Variants in SP140 observed in about 807,000 individuals in gnomAD.
The protein encoded by SP140 is nuclear body protein SP140.
In SP140, 81 loss-of-function variants were observed where a neutral mutation model predicts 125.0. The observed-to-expected ratio is 0.65, with a 90% CI of 0.54 to 0.78. The LOEUF (loss-of-function observed/expected upper bound fraction) is 0.78. SP140 is among the 30% of genes least tolerant of loss of function. The pLI, the probability that SP140 is intolerant of heterozygous loss-of-function variation, is 0.00. For synonymous variants in SP140, 312 were observed against 354.0 expected (o/e 0.88, Z 1.33); for missense variants, 858 against 1,037.0 (o/e 0.83, Z 2.37).
intron 17 of SP140, among the ~76,000 whole-genome samples, chr2:230,286,280 T>A (rs1311062481): frequency 6.6e-6 from 1 of 152,230 alleles, no homozygotes; most frequent in Admixed American, 6.5e-5. Context: ...CTTTCTGACC[T>A]AGTATTAAAC....
chr2:230,257,193 CT>C (rs2051361638), intron 12 of SP140, among the ~76,000 whole-genome samples: 1 of 151,742 alleles, frequency 6.6e-6, no homozygotes, highest in South Asian at 2.1e-4. Context: ...TGGAAAGAGA[CT>C]TTTATCTAAC....
At chr2:230,238,908 C>T (rs1408384844) in intron 3 of SP140, 9 of 1,549,674 alleles carry the variant, frequency 5.8e-6, no homozygotes, top group African/African-American at 4.1e-5. Flanking sequence ...TTGGTGGGGG[C>T]CTTTCCGAAC....
At chr2:230,244,909 A>T (rs2049207312) in intron 5 of SP140, 79 bp from the exon 6 acceptor site, 1 of 982,514 alleles carries the variant, frequency 1.0e-6, no homozygotes. Flanking sequence ...GGAGAAGCTC[A>T]CTTGAGTGCT....
the SP140 span, among the ~76,000 whole-genome samples, chr2:230,190,218 G>T: frequency 2.5e-3 from 376 of 152,252 alleles, no homozygotes; most frequent in African/African-American, 8.6e-3. Flanking sequence ...AGCATCTATT[G>T]TTTTCTGACT....
intron 17 of SP140, among the ~76,000 whole-genome samples, chr2:230,286,729 G>A (rs2056432814): frequency 6.6e-6 from 1 of 152,144 alleles, no homozygotes; most frequent in Non-Finnish European, 1.5e-5. Context: ...TACATATGTG[G>A]CCTGGTGCAT....
intron 3 of SP140, among the ~76,000 whole-genome samples, chr2:230,219,212 G>A (rs376152070): frequency 4.6e-5 from 7 of 152,298 alleles, no homozygotes; most frequent in South Asian, 2.1e-4. Context: ...GTGACAGAGC[G>A]AGACTCCGTC....
intron 1 of SP140, among the ~76,000 whole-genome samples, chr2:230,226,850 G>A (rs2046489660): frequency 6.7e-6 from 1 of 149,878 alleles, no homozygotes; most frequent in South Asian, 2.1e-4. Flanking sequence ...AACCAACCAT[G>A]AATGCAAAAT....
chr2:230,221,827 A>C, upstream of SP140: 2 of 1,120,052 alleles, frequency 1.8e-6, no homozygotes, highest in Non-Finnish European at 2.6e-6. Flanking sequence ...AAACAAACAA[A>C]AGTAAAGCAG....
Position 230,269,728 on chromosome 2 carries a change from AAGG to A in SP140, c.1328-106_1328-104del, listed in dbSNP as rs2053638478. 4.7e-5 allele frequency: 51 copies of A among 1,089,172 alleles called. No individual in the cohort carries two copies. The South Asian group carries it at 7.3e-4, about 15-fold the overall frequency. 67.5% of individuals were successfully genotyped at this position (1,089,172 alleles called of 1,614,324 possible). A position where few individuals can be genotyped will look rare whatever the true frequency, so the allele number is the denominator to read the frequency against. ...AGTCAAATATAAGGAGGAGCAGTGA[AAGG>A]AGAAGATTTCAGAGGAAAAAGTAAA... On this transcript the variant is annotated intron_variant, in intron 13 of 26. Transcript: ENST00000392045.
intron 8 of SP140, 107 bp downstream of exon 8, chr2:230,248,172 T>G (rs1226264858): frequency 5.8e-6 from 6 of 1,034,820 alleles, no homozygotes; most frequent in East Asian, 2.4e-5. Flanking sequence ...ATCAGATTAC[T>G]GGATTGCACA....
chr2:230,274,246 G>A (rs2054378196), intron 15 of SP140, among the ~76,000 whole-genome samples: 1 of 152,100 alleles, frequency 6.6e-6, no homozygotes, highest in South Asian at 2.1e-4. Flanking sequence ...TGTACCAAGA[G>A]AAACAAAGAT....
chr2:230,264,881 G>C (rs1324232446), intron 12 of SP140, among the ~76,000 whole-genome samples: 1 of 152,118 alleles, frequency 6.6e-6, no homozygotes, highest in Non-Finnish European at 1.5e-5. Flanking sequence ...GAGGTGAAGG[G>C]GGTGCAATGG....
chr2:230,218,127 G>T (rs1443850414), intron 3 of SP140, among the ~76,000 whole-genome samples: 1 of 152,204 alleles, frequency 6.6e-6, no homozygotes, highest in Non-Finnish European at 1.5e-5. Context: ...TTGACAAATT[G>T]TCAAGAAAAG....
intron 15 of SP140, among the ~76,000 whole-genome samples, chr2:230,281,420 G>C (rs2055528373): frequency 6.6e-6 from 1 of 152,168 alleles, no homozygotes; most frequent in African/African-American, 2.4e-5. Flanking sequence ...CTTTTGTTAA[G>C]ATAAAATTTA....
chr2:230,261,016 G>A (rs2052148566), intron 12 of SP140, among the ~76,000 whole-genome samples: 1 of 152,050 alleles, frequency 6.6e-6, no homozygotes, highest in African/African-American at 2.4e-5. Context: ...TTGAATTTGT[G>A]ATTGCTTTTG....
At chr2:230,302,932 G>A (rs1409322562) in intron 22 of SP140, among the ~76,000 whole-genome samples, 3 of 152,128 alleles carry the variant, frequency 2.0e-5, no homozygotes, top group African/African-American at 7.2e-5. Context: ...AAAATTCATA[G>A]CATTGAATGC....
the SP140 span, among the ~76,000 whole-genome samples, chr2:230,189,728 G>A: frequency 2.6e-5 from 4 of 152,128 alleles, no homozygotes; most frequent in Admixed American, 6.5e-5. Flanking sequence ...GGTGTGTGTT[G>A]TTCCCCTCTC....
At chr2:230,303,087 A>C (rs1253505671) in intron 22 of SP140, among the ~76,000 whole-genome samples, 2 of 151,732 alleles carry the variant, frequency 1.3e-5, no homozygotes, top group Non-Finnish European at 2.9e-5. Context: ...AAATTGAAAC[A>C]AAAAAAATAC....
At chr2:230,258,723 G>A (rs550186314) in intron 12 of SP140, among the ~76,000 whole-genome samples, 8 of 152,172 alleles carry the variant, frequency 5.3e-5, no homozygotes, top group Non-Finnish European at 8.8e-5. Flanking sequence ...ATTGTTGGCC[G>A]AAGATTCATT....
Sources: allele counts gnomAD v4.1 joint callset (sites outside exome capture counted in the v4.1 genomes callset), GRCh38; gene constraint gnomAD v4.1.1; transcripts MANE v1.5; gene names NCBI Gene and HGNC (gene_info 2026-07-23, HGNC 2026-07-21).